Variants in ECT2 observed in about 807,000 individuals in gnomAD.
ECT2 encodes the protein protein ECT2.
A neutral mutation model predicts 116.9 loss-of-function variants in ECT2; 61 were observed. The ratio of observed to expected loss-of-function variants is 0.52; its 90% CI spans 0.42 to 0.65. ECT2 has a LOEUF of 0.65. Among genes scored for constraint, ECT2 ranks in the 30% least tolerant of loss-of-function variants. ECT2 has a pLI of 0.00. For missense variants in ECT2, 937 were observed against 1,078.7 expected, an observed-to-expected ratio of 0.87 and a Z score of 1.84; for synonymous variants, 358 against 346.4, an observed-to-expected ratio of 1.03 and a Z score of -0.37.
chr3:172,755,688 T>TA (rs1716851857), intron 4 of ECT2, 113 bp downstream of exon 4: 3 of 486,682 alleles, frequency 6.2e-6, no homozygotes, highest in Admixed American at 8.0e-5. Context: ...ATCTGAAGCT[T>TA]AATGAATAGA....
rs1560254624 is a variant in ECT2, at chr3:172,761,691, T to C, written c.758+8T>C. On this transcript the variant is annotated splice_region_variant and intron_variant, in intron 8 of 24. Coordinates refer to ENST00000392692, the MANE Select transcript of ECT2 (RefSeq NM_001258315.2). ...GGAAAGGCGGAATGAACAGTAAGTG[T>C]TTAGAAACTCAGTAGTTCATTATGT... 6.3e-7 allele frequency: 1 copy of C among 1,584,660 alleles called. No individual in the cohort carries two copies. The highest frequency in any genetic ancestry group is 8.6e-7 in the Non-Finnish European group (1 of 1,156,598).
At chr3:172,809,867 A>G (rs1728454073) in intron 22 of ECT2, among the ~76,000 whole-genome samples, 1 of 152,164 alleles carries the variant, frequency 6.6e-6, no homozygotes, top group Non-Finnish European at 1.5e-5. Context: ...TTAAGTTTGA[A>G]CCTAAGGCCA....
At chr3:172,803,087 C>A in intron 20 of ECT2, 107 bp downstream of exon 20, 1 of 1,016,722 alleles carries the variant, frequency 9.8e-7, no homozygotes, top group Non-Finnish European at 1.3e-6. Context: ...TTTAAATAAA[C>A]TCAAGTAATC....
intron 24 of ECT2, 87 bp from the exon 25 acceptor site, chr3:172,820,061 A>G (rs931648036): frequency 2.2e-6 from 2 of 890,114 alleles, no homozygotes; most frequent in Admixed American, 2.6e-5. Context: ...TGTAAAATGT[A>G]AAAATAATAG....
chr3:172,821,963 C>T (rs1184767190), downstream of ECT2, among the ~76,000 whole-genome samples: 1 of 151,788 alleles, frequency 6.6e-6, no homozygotes, highest in African/African-American at 2.4e-5. Context: ...TCCTTGTTAT[C>T]AGATGAAGAC....
rs1403998136 is a variant in ECT2, at chr3:172,821,215, A to AAG, written c.*979_*980insGA. 2 of 151,946 alleles carry AAG rather than the reference A, an allele frequency of 1.3e-5. No individual in the cohort carries two copies. The highest frequency in any genetic ancestry group is 2.4e-5 in the African/African-American group (1 of 41,452). The allele number at this position is 151,946 out of a possible 1,614,324, so 9.4% of individuals were successfully genotyped here. A position where few individuals can be genotyped will look rare whatever the true frequency, so the allele number is the denominator to read the frequency against. On this transcript the variant is annotated 3_prime_UTR_variant, in exon 25 of 25. Coordinates refer to ENST00000392692, the MANE Select transcript of ECT2 (RefSeq NM_001258315.2). ...TGTTTCAAAGTGTGATATCTTTCAC[A>AAG]ATAGCCTTTTTATAGTCAGTAATTC...
intron 22 of ECT2, among the ~76,000 whole-genome samples, chr3:172,809,986 C>A (rs1452990686): frequency 6.6e-6 from 1 of 152,112 alleles, no homozygotes; most frequent in Admixed American, 6.5e-5. Context: ...AAGTTTAAAT[C>A]TATTGAAGAT....
At position 172,761,619 on chromosome 3, in the gene ECT2, A is replaced by G. The variant is rs1345739350; in HGVS notation, c.694A>G (p.Ser232Gly). The change falls in exon 8 of 25, where the codon AGT (serine) becomes GGT (glycine). Residue 232 changes from serine to glycine, a missense_variant. Ser to Gly is a moderately conservative substitution (Grantham distance 56, BLOSUM62 0). Coordinates refer to ENST00000392692, the MANE Select transcript of ECT2 (RefSeq NM_001258315.2). The stretch of plus-strand genomic sequence containing the variant: ...ATGTTTATATTTTTAGGTTGCTGTG[A>G]GTCTAGGTACTCCAATTATGAAGCC... ...TQGEKFRVAV[S>G]LGTPIMKPEW... is the part of the protein sequence containing the mutation. 6.2e-7 allele frequency: 1 copy of G among 1,609,064 alleles called. No individual in the cohort carries two copies. Among genetic ancestry groups the G allele is most frequent in the South Asian group, 1.1e-5 (1 of 90,620 alleles).
intron 2 of ECT2, 33 bp from the exon 3 acceptor site, chr3:172,755,262 T>C (rs371129686): frequency 2.0e-6 from 3 of 1,524,702 alleles, no homozygotes; most frequent in African/African-American, 1.5e-5. Flanking sequence ...TGTTAATACA[T>C]GATAAACATT....
intron 18 of ECT2, among the ~76,000 whole-genome samples, chr3:172,791,889 T>G (rs1246212439): frequency 1.3e-5 from 2 of 152,250 alleles, no homozygotes; most frequent in Non-Finnish European, 2.9e-5. Flanking sequence ...TTCAACTTGC[T>G]TCTCTTACTA....
chr3:172,815,085 A>G (rs1252016791), intron 22 of ECT2, among the ~76,000 whole-genome samples: 1 of 152,174 alleles, frequency 6.6e-6, no homozygotes, highest in Non-Finnish European at 1.5e-5. Context: ...CTCTTCAGGA[A>G]TATGCCCTTT....
At chr3:172,818,813 A>T (rs1297112012) in intron 24 of ECT2, 6 of 1,205,160 alleles carry the variant, frequency 5.0e-6, no homozygotes, top group Non-Finnish European at 6.3e-6. Context: ...ATGAAGTTTA[A>T]TGTGAGCTTA....
chr3:172,796,288 T>G (rs1048873929), intron 18 of ECT2: 1 of 152,198 alleles, frequency 6.6e-6, no homozygotes, highest in African/African-American at 2.4e-5. Flanking sequence ...TTGGAAAGGA[T>G]TTCTTTGTAA....
intron 12 of ECT2, among the ~76,000 whole-genome samples, chr3:172,767,367 G>A (rs2108409902): frequency 6.6e-6 from 1 of 152,274 alleles, no homozygotes; most frequent in Non-Finnish European, 1.5e-5. Context: ...CTTGAACCCG[G>A]GAAGTGGACG....
chr3:172,751,657 A>G (rs1715870289), intron 1 of ECT2, among the ~76,000 whole-genome samples: 1 of 152,186 alleles, frequency 6.6e-6, no homozygotes, highest in African/African-American at 2.4e-5. Flanking sequence ...TTGCCTAAAA[A>G]GTATTTAAGT....
intron 18 of ECT2, among the ~76,000 whole-genome samples, chr3:172,787,457 T>A (rs1723814407): frequency 6.6e-6 from 1 of 152,194 alleles, no homozygotes; most frequent in South Asian, 2.1e-4. Flanking sequence ...CTCCCTCAGA[T>A]ACCAAAATCT....
At chr3:172,787,958 G>T (rs763348091) in intron 18 of ECT2, among the ~76,000 whole-genome samples, 1 of 152,208 alleles carries the variant, frequency 6.6e-6, no homozygotes, top group Non-Finnish European at 1.5e-5. Context: ...GCTGGCTGCT[G>T]TAGGGATAAT....
chr3:172,823,009 G>C (rs1730750192), downstream of ECT2, among the ~76,000 whole-genome samples: 1 of 151,986 alleles, frequency 6.6e-6, no homozygotes, highest in Non-Finnish European at 1.5e-5. Context: ...TTAAAATCAA[G>C]CATGCACATT....
Position 172,783,870 on chromosome 3 carries a change from A to G in ECT2, c.1689A>G (p.Lys563=). The G allele has an allele frequency of 6.2e-7, 1 of 1,606,492 alleles. No individual in the cohort carries two copies. The highest frequency in any genetic ancestry group is 8.5e-7 in the Non-Finnish European group (1 of 1,176,680). The change falls in exon 16 of 25, where the codon AAA becomes AAG. Residue 563 remains lysine (K), a synonymous_variant. Transcript: ENST00000392692. ...AAATGAGCAAGGAAACAATTATTAA[A>G]TGTGAAAAACAGAAACCAAGATTTC... The part of the protein sequence containing the change: ...FFEMSKETII[K]CEKQKPRFHA...
Sources: allele counts gnomAD v4.1 joint callset (sites outside exome capture counted in the v4.1 genomes callset), GRCh38; gene constraint gnomAD v4.1.1; transcripts MANE v1.5; gene names NCBI Gene and HGNC (gene_info 2026-07-23, HGNC 2026-07-21).